The following ANKRD42 variants were observed in gnomAD, a reference collection of about 807,000 sequenced individuals.
ANKRD42 encodes the protein ankyrin repeat domain-containing protein 42.
ANKRD42 carries 43 observed loss-of-function variants against 51.5 expected under a neutral mutation model. That is an observed-to-expected ratio of 0.83 (90% confidence interval 0.65 to 1.08). ANKRD42 has a LOEUF of 1.08. ANKRD42 is among the 50% of genes least tolerant of loss of function. The pLI, the probability that ANKRD42 is intolerant of heterozygous loss-of-function variation, is 0.00. For missense variants in ANKRD42, 608 were observed against 629.3 expected, an observed-to-expected ratio of 0.97 and a Z score of 0.36; for synonymous variants, 203 against 213.0, an observed-to-expected ratio of 0.95 and a Z score of 0.41.
downstream of ANKRD42, among the ~76,000 whole-genome samples, chr11:83,263,001 G>A (rs1373712193): frequency 3.3e-5 from 5 of 152,084 alleles, no homozygotes; most frequent in Non-Finnish European, 5.9e-5. Flanking sequence ...TATCCCCATT[G>A]TACAGATGAG....
At chr11:83,232,094 AT>A in intron 7 of ANKRD42, among the ~76,000 whole-genome samples, 1 of 125,368 alleles carries the variant, frequency 8.0e-6, no homozygotes, top group East Asian at 2.2e-4. Flanking sequence ...TTCCATATAA[AT>A]TTTAGCTTTT....
At chr11:83,237,257 C>T (rs1863250830) in intron 8 of ANKRD42, among the ~76,000 whole-genome samples, 1 of 151,956 alleles carries the variant, frequency 6.6e-6, no homozygotes, top group Non-Finnish European at 1.5e-5. Context: ...GTGTAAGGTA[C>T]ACTAAGAATA....
Position 83,240,952 on chromosome 11 carries a change from G to A in ANKRD42, c.1195+18G>A, listed in dbSNP as rs1239221464. 1.3e-6 allele frequency: 2 copies of A among 1,595,394 alleles called. No homozygotes were observed. The highest frequency in any genetic ancestry group is 1.7e-6 in the Non-Finnish European group (2 of 1,171,216). On this transcript the variant is annotated intron_variant, in intron 9 of 10. Transcript: ENST00000533342. ...TGCCAGAAGTAAGTATGCTGCCTCT[G>A]TTGTGATTTATCCTTTCAGAAATAC...
downstream of ANKRD42, chr11:83,259,594 A>G (rs1194906388): frequency 6.6e-6 from 1 of 152,220 alleles, no homozygotes; most frequent in Non-Finnish European, 1.5e-5. Context: ...ACTAAGATGA[A>G]GAATGAATAA....
chr11:83,204,357 A>C (rs1329170213), intron 2 of ANKRD42, among the ~76,000 whole-genome samples: 1 of 152,248 alleles, frequency 6.6e-6, no homozygotes, highest in Non-Finnish European at 1.5e-5. Flanking sequence ...TGAACCTTTT[A>C]TCCTAAGTGA....
At chr11:83,263,832 A>G (rs7125399), downstream of ANKRD42, among the ~76,000 whole-genome samples, 8,395 of 152,166 alleles carry the variant, frequency 0.055, 778 homozygotes, top group African/African-American at 0.19. Context: ...TCTGATTCCA[A>G]TTATGCTTGT....
chr11:83,242,567 G>GTTTTTTTTTTTTTTTTTTTTTTTTTTT (rs539259244), intron 9 of ANKRD42, among the ~76,000 whole-genome samples: 1 of 115,546 alleles, frequency 8.7e-6, no homozygotes, highest in Admixed American at 8.5e-5. Flanking sequence ...TGGTAGTTAA[G>GTTTTTTTTTTTTTTTTTTTTTTTTTTT]TTTTTTTTTT....
intron 9 of ANKRD42, among the ~76,000 whole-genome samples, chr11:83,243,441 T>G (rs1863449311): frequency 6.6e-6 from 1 of 152,226 alleles, no homozygotes; most frequent in South Asian, 2.1e-4. Context: ...CCAATTAATC[T>G]TAGTTCTTAC....
At chr11:83,199,856 G>C (rs187996876) in intron 2 of ANKRD42, among the ~76,000 whole-genome samples, 133 of 152,268 alleles carry the variant, frequency 8.7e-4, no homozygotes, top group South Asian at 7.9e-3. Flanking sequence ...CCCTCTACCA[G>C]TTTGTGTGCC....
intron 7 of ANKRD42, among the ~76,000 whole-genome samples, chr11:83,235,848 G>A (rs895834357): frequency 3.9e-5 from 6 of 152,124 alleles, no homozygotes; most frequent in African/African-American, 1.2e-4. Context: ...GGACAAAGGT[G>A]GTAAACAGTT....
chr11:83,242,104 A>G (rs1452638077), intron 9 of ANKRD42, among the ~76,000 whole-genome samples: 1 of 152,154 alleles, frequency 6.6e-6, no homozygotes, highest in Admixed American at 6.5e-5. Context: ...ACCTTTTCAT[A>G]TTAGAGGCTT....
chr11:83,212,733 C>T, intron 5 of ANKRD42: 1 of 1,535,976 alleles, frequency 6.5e-7, no homozygotes, highest in South Asian at 1.2e-5. Context: ...TACCTACCTG[C>T]ATGGCCTCAT....
chr11:83,242,567 GT>G (rs539259244), intron 9 of ANKRD42, among the ~76,000 whole-genome samples: 36,023 of 115,556 alleles, frequency 0.31, 6,380 homozygotes, highest in Middle Eastern at 0.48. Context: ...TGGTAGTTAA[GT>G]TTTTTTTTTT....
At chr11:83,209,819 G>A in intron 3 of ANKRD42, 1 of 541,792 alleles carries the variant, frequency 1.8e-6, no homozygotes, top group Non-Finnish European at 3.3e-6. Context: ...CACCACCATA[G>A]CCCAGCCAGA....
intron 3 of ANKRD42, chr11:83,209,495 C>A: frequency 8.5e-7 from 1 of 1,176,988 alleles, no homozygotes; most frequent in Non-Finnish European, 1.3e-6. Flanking sequence ...CAAGCTGGTC[C>A]GTAAAACCCA....
In ANKRD42 at chr11:83,218,005, A is replaced by G. The variant is rs1181991344; in HGVS notation, c.586+6575A>G. Among the ~76,000 whole-genome samples the G allele has an allele frequency of 3.3e-5, 5 of 152,300 alleles. No individual in the cohort carries two copies. The East Asian group carries it at 7.7e-4, about 24-fold the overall frequency. Reference sequence around the variant, plus strand: ...TGCCTCCAAATTTTCTTCTGGGCCTAAGGCAAACTTTTGGAGTTTTCTCCT... The same window carrying G: ...TGCCTCCAAATTTTCTTCTGGGCCTGAGGCAAACTTTTGGAGTTTTCTCCT... On this transcript the variant is annotated intron_variant, in intron 5 of 10. Transcript: ENST00000533342.
chr11:83,236,633 A>G (rs1863233298), intron 8 of ANKRD42, 124 bp downstream of exon 8: 1 of 663,390 alleles, frequency 1.5e-6, no homozygotes, highest in South Asian at 2.7e-5. Context: ...TACAGATGGA[A>G]TGACAATTTT....
intron 7 of ANKRD42, among the ~76,000 whole-genome samples, chr11:83,236,036 G>A (rs1453112408): frequency 6.6e-6 from 1 of 152,140 alleles, no homozygotes; most frequent in African/African-American, 2.4e-5. Flanking sequence ...GATTGGTTAG[G>A]AGCTATTTAT....
downstream of ANKRD42, among the ~76,000 whole-genome samples, chr11:83,257,572 C>T (rs924214408): frequency 6.6e-6 from 1 of 152,120 alleles, no homozygotes; most frequent in Non-Finnish European, 1.5e-5. Flanking sequence ...AGTAGTTGTG[C>T]CGAGGATTAT....
Sources: allele counts gnomAD v4.1 joint callset (sites outside exome capture counted in the v4.1 genomes callset), GRCh38; gene constraint gnomAD v4.1.1; transcripts MANE v1.5; gene names NCBI Gene and HGNC (gene_info 2026-07-23, HGNC 2026-07-21).